The following ATP6V0D1 variants were observed in gnomAD, a reference collection of about 807,000 sequenced individuals.
The protein encoded by ATP6V0D1 is V-type proton ATPase subunit d 1.
A neutral mutation model predicts 39.0 loss-of-function variants in ATP6V0D1; 13 were observed. The ratio of observed to expected loss-of-function variants is 0.33; its 90% confidence interval spans 0.22 to 0.53. ATP6V0D1 has a LOEUF of 0.53. ATP6V0D1 is among the 20% of genes least tolerant of loss of function. The probability of loss-of-function intolerance (pLI) is 0.94; values close to 1 mark genes in which losing one functional copy is unlikely to be tolerated. For synonymous variants in ATP6V0D1, 191 were observed against 191.2 expected, an observed-to-expected ratio of 1.00 and a Z score of 0.01; for missense variants, 272 against 470.9, an observed-to-expected ratio of 0.58 and a Z score of 3.91.
chr16:67,442,245 G>A (rs2041061276), intron 4 of ATP6V0D1, among the ~76,000 whole-genome samples: 1 of 152,232 alleles, frequency 6.6e-6, no homozygotes, highest in Non-Finnish European at 1.5e-5. Flanking sequence ...GCTCCAACCA[G>A]GGCAGGAGAG....
In ATP6V0D1 at chr16:67,438,136, TG is replaced by T. The variant is rs2040996684; in HGVS notation, c.*391del. The stretch of plus-strand genomic sequence containing the variant: ...CACACTCTGTCCTTCCCATGGGCCA[TG>T]GCTCTGGGAGCGACCCACAGAAGGG... On this transcript the variant is annotated 3_prime_UTR_variant, in exon 8 of 8. Transcript: ENST00000290949. 1 of 241,932 alleles carries T rather than the reference TG, an allele frequency of 4.1e-6. No homozygotes were observed. The highest frequency in any genetic ancestry group is 2.3e-5 in the African/African-American group (1 of 43,838). 15.0% of individuals were successfully genotyped at this position (241,932 alleles called of 1,614,324 possible). A position where few individuals can be genotyped will look rare whatever the true frequency, so the allele number is the denominator to read the frequency against.
At chr16:67,459,293 G>A in intron 1 of ATP6V0D1, 1 of 983,972 alleles carries the variant, frequency 1.0e-6, no homozygotes, top group African/African-American at 1.7e-5. Context: ...TGGAAAGTGA[G>A]AGTCCCTGCC....
chr16:67,439,671 G>T, intron 4 of ATP6V0D1: 1 of 401,278 alleles, frequency 2.5e-6, no homozygotes, highest in South Asian at 3.6e-5. Flanking sequence ...ACTTTCCCCT[G>T]CTGCTCTGCC....
chr16:67,477,797 G>C (rs562843157), intron 1 of ATP6V0D1, among the ~76,000 whole-genome samples: 9 of 151,622 alleles, frequency 5.9e-5, no homozygotes, highest in Non-Finnish European at 8.8e-5. Context: ...CTCAGCCTCC[G>C]GAGTAGCTGG....
chr16:67,457,456 G>A (rs779567228), intron 1 of ATP6V0D1: 3 of 697,866 alleles, frequency 4.3e-6, no homozygotes, highest in Admixed American at 2.5e-5. Flanking sequence ...CAGCTGTCCA[G>A]ACAGATTTCA....
At chr16:67,452,392 C>T in intron 2 of ATP6V0D1, 1 of 1,535,604 alleles carries the variant, frequency 6.5e-7, no homozygotes, top group South Asian at 1.2e-5. Context: ...TGCAGCACTT[C>T]TTGAGCAAGT....
At chr16:67,480,899 C>G in intron 1 of ATP6V0D1, 58 bp downstream of exon 1, 1 of 1,603,186 alleles carries the variant, frequency 6.2e-7, no homozygotes, top group Non-Finnish European at 8.5e-7. Context: ...CGGCCTACAC[C>G]TCTGAACCCT....
chr16:67,459,208 C>G (rs2041269339), intron 1 of ATP6V0D1: 1 of 985,388 alleles, frequency 1.0e-6, no homozygotes, highest in African/African-American at 1.7e-5. Flanking sequence ...GAGAGAGAAG[C>G]CCTTGAAGTG....
intron 1 of ATP6V0D1, among the ~76,000 whole-genome samples, chr16:67,462,458 A>T (rs1251795883): frequency 6.6e-6 from 1 of 152,202 alleles, no homozygotes; most frequent in African/African-American, 2.4e-5. Context: ...CATGAGTAAG[A>T]GGTAAAGTGG....
At chr16:67,443,502 C>G (rs561020501) in intron 3 of ATP6V0D1, 1 of 289,728 alleles carries the variant, frequency 3.5e-6, no homozygotes, top group Admixed American at 4.5e-5. Context: ...CCATGACATC[C>G]TCCCTTCTGG....
At chr16:67,467,787 T>C (rs145104520) in intron 1 of ATP6V0D1, among the ~76,000 whole-genome samples, 1 of 152,308 alleles carries the variant, frequency 6.6e-6, no homozygotes, top group Non-Finnish European at 1.5e-5. Flanking sequence ...GAGACAGTCA[T>C]ATCATGTCCT....
chr16:67,449,311 G>A lies in ATP6V0D1; in HGVS notation c.302+4233C>T, dbSNP rs554910769. ...AAAGCCCACCTGGGACTCCCCAGAG[G>A]CCGCACTCACTCCTCCCACAAGTCT... On this transcript the variant is annotated intron_variant, in intron 2 of 7. Coordinates refer to ENST00000290949, the MANE Select transcript of ATP6V0D1 (RefSeq NM_004691.5). Among the ~76,000 whole-genome samples the A allele has an allele frequency of 2.0e-5, 3 of 152,316 alleles. No individual in the cohort carries two copies. In the East Asian group the frequency reaches 5.8e-4, roughly 29 times the overall value.
At chr16:67,452,905 C>T (rs1295769292) in intron 2 of ATP6V0D1, among the ~76,000 whole-genome samples, 2 of 152,220 alleles carry the variant, frequency 1.3e-5, no homozygotes, top group African/African-American at 4.8e-5. Flanking sequence ...AATGAAGAAG[C>T]TGGGGCAGCC....
At chr16:67,451,209 G>A (rs570068286) in intron 2 of ATP6V0D1, among the ~76,000 whole-genome samples, 3 of 152,294 alleles carry the variant, frequency 2.0e-5, no homozygotes, top group South Asian at 2.1e-4. Flanking sequence ...GGGGGAGAGC[G>A]GCTCCAGGCT....
chr16:67,463,669 C>T (rs1201802284), intron 1 of ATP6V0D1, among the ~76,000 whole-genome samples: 1 of 152,204 alleles, frequency 6.6e-6, no homozygotes, highest in South Asian at 2.1e-4. Flanking sequence ...CCATACCTTT[C>T]GCTGGCAGAG....
At chr16:67,443,991 A>C (rs1046344698) in intron 3 of ATP6V0D1, among the ~76,000 whole-genome samples, 2 of 152,216 alleles carry the variant, frequency 1.3e-5, no homozygotes, top group Middle Eastern at 3.2e-3. Context: ...AGCACTGCCT[A>C]AGCAGGGCTC....
Position 67,453,614 on chromosome 16 carries a change from T to C in ATP6V0D1, c.232A>G (p.Met78Val). The stretch of plus-strand genomic sequence containing the variant: ...CTCATGTGGCGGAACTCCACCACCA[T>C]CTTCTCCTTGAGCCGGTCATCGATG... Reference protein sequence around the residue: ...SVIDDRLKEKMVVEFRHMRNH... With the variant: ...SVIDDRLKEKVVVEFRHMRNH... The change falls in exon 2 of 8, where the codon ATG becomes GTG. Residue 78 changes from methionine (M) to valine (V), a missense_variant. Met to Val is a conservative substitution (Grantham distance 21). Around this residue, in one of 4 missense-constraint regions of ATP6V0D1, gnomAD observed 81 missense variants for 96.0 expected, o/e 0.84. Transcript: ENST00000290949. The surrounding 1 kb of genome is among the most constrained non-coding windows in gnomAD (Gnocchi z 4.1). 1 of 1,614,156 alleles carries C rather than the reference T, an allele frequency of 6.2e-7. No homozygotes were observed. Among genetic ancestry groups the C allele is most frequent in the Non-Finnish European group, 8.5e-7 (1 of 1,180,016 alleles).
chr16:67,448,389 G>A (rs2041141266), intron 2 of ATP6V0D1, among the ~76,000 whole-genome samples: 2 of 152,114 alleles, frequency 1.3e-5, no homozygotes, highest in South Asian at 4.1e-4. Flanking sequence ...GGTGGGTGCT[G>A]TGGCTCATGC....
intron 1 of ATP6V0D1, among the ~76,000 whole-genome samples, chr16:67,475,462 C>T (rs950071861): frequency 1.3e-5 from 2 of 152,234 alleles, no homozygotes; most frequent in Non-Finnish European, 2.9e-5. Context: ...ACAGCCAGCA[C>T]ATCAAACATG....
Sources: gnomAD v4.1 joint callset for allele counts (sites outside exome capture counted in the v4.1 genomes callset) on GRCh38, gnomAD v4.1.1 for gene constraint, gnomAD v4.1.1 regional missense constraint, Gnocchi (gnomAD v3.1) non-coding constraint, MANE v1.5 for transcripts, NCBI Gene and HGNC (gene_info 2026-07-23, HGNC 2026-07-21) for gene names.